Variants in MINDY2 observed in about 807,000 individuals in gnomAD.
The protein encoded by MINDY2 is ubiquitin carboxyl-terminal hydrolase MINDY-2.
Under a neutral mutation model 68.2 loss-of-function variants are expected in MINDY2, and 52 were observed. The observed-to-expected ratio is 0.76, with a 90% CI of 0.61 to 0.96. The LOEUF is 0.96. Among genes scored for constraint, MINDY2 ranks in the 40% least tolerant of loss-of-function variants. The pLI is 0.00. For missense variants in MINDY2, 881 were observed against 773.4 expected, an observed-to-expected ratio of 1.14 and a Z score of -1.65; for synonymous variants, 372 against 303.0, an observed-to-expected ratio of 1.23 and a Z score of -2.36.
At chr15:58,798,699 G>A (rs781679672) in intron 2 of MINDY2, among the ~76,000 whole-genome samples, 15 of 151,700 alleles carry the variant, frequency 9.9e-5, no homozygotes, top group Non-Finnish European at 1.9e-4. Context: ...CAGGTGATCC[G>A]CCCGCCTTGG....
In MINDY2 at chr15:58,791,620, ATATGTG is replaced by A. The variant is rs1424937189; in HGVS notation, c.898+3659_898+3664del. On this transcript the variant is annotated intron_variant, in intron 2 of 8. Coordinates refer to ENST00000559228, the MANE Select transcript of MINDY2 (RefSeq NM_001040450.3). ...CAACAGGGCAAGACCCTGTCTCAAA[ATATGTG>A]TGTGTGTGTGTGTGTGTGTGTGTGT... 2.7e-4 allele frequency among the ~76,000 whole-genome samples: 22 copies of A among 80,846 alleles called. No homozygotes were observed. The East Asian group carries it at 3.7e-3, about 14-fold the overall frequency. 53.0% of individuals were successfully genotyped at this position (80,846 alleles called of 152,430 possible).
intron 1 of MINDY2, among the ~76,000 whole-genome samples, chr15:58,784,615 C>G (rs1471661241): frequency 7.1e-6 from 1 of 140,840 alleles, no homozygotes; most frequent in Admixed American, 7.0e-5. Flanking sequence ...TTCTTTCTTT[C>G]TTTCCTTTTT....
intron 1 of MINDY2, among the ~76,000 whole-genome samples, chr15:58,783,603 C>G (rs1901297400): frequency 1.3e-5 from 2 of 152,154 alleles, no homozygotes; most frequent in African/African-American, 4.8e-5. Context: ...TTGCTTGAGT[C>G]TATTCCCAAA....
Position 58,771,363 on chromosome 15 carries a change from G to T in MINDY2, c.-33G>T. 6.3e-7 allele frequency: 1 copy of T among 1,580,140 alleles called. No homozygotes were observed. Among genetic ancestry groups the T allele is most frequent in the South Asian group, 1.1e-5 (1 of 87,924 alleles). ...GCGCTGGCTGCGGAGAAGTGGCCGC[G>T]GTCTCCATAGAGCTGGGGGCGGGCG... On this transcript the variant is annotated 5_prime_UTR_variant, in exon 1 of 9. Transcript: ENST00000559228.
At chr15:58,783,207 G>A (rs1383623348) in intron 1 of MINDY2, among the ~76,000 whole-genome samples, 5 of 151,910 alleles carry the variant, frequency 3.3e-5, no homozygotes, top group African/African-American at 4.8e-5. Context: ...AGGAGTGACC[G>A]ACTCTGCCCG....
rs534355610 is a variant in MINDY2, at chr15:58,811,066, A to G, written c.1122+678A>G. ...GTGGTTCAAGGGATCCATCATTAGT[A>G]TAAACTGCAGGTGTGGCCCAAGGGG... On this transcript the variant is annotated intron_variant, in intron 4 of 8. Coordinates refer to ENST00000559228, the MANE Select transcript of MINDY2 (RefSeq NM_001040450.3). 2.6e-5 allele frequency among the ~76,000 whole-genome samples: 4 copies of G among 152,372 alleles called. No individual in the cohort carries two copies. In the East Asian group the frequency reaches 5.8e-4, roughly 22 times the overall value.
intron 6 of MINDY2, among the ~76,000 whole-genome samples, chr15:58,834,751 C>T (rs145953146): frequency 6.6e-6 from 1 of 152,270 alleles, no homozygotes; most frequent in African/African-American, 2.4e-5. Flanking sequence ...ATTACATCTT[C>T]ATATTTTCTT....
At chr15:58,802,998 G>A (rs193020451) in intron 3 of MINDY2, among the ~76,000 whole-genome samples, 2 of 152,198 alleles carry the variant, frequency 1.3e-5, no homozygotes, top group African/African-American at 2.4e-5. Flanking sequence ...GTGGAAGGAA[G>A]TATTAGCCAG....
intron 6 of MINDY2, among the ~76,000 whole-genome samples, chr15:58,840,249 T>C (rs2032210327): frequency 6.6e-6 from 1 of 152,232 alleles, no homozygotes; most frequent in Admixed American, 6.5e-5. Context: ...CGAACGAATA[T>C]AGTACAAACA....
chr15:58,826,601 CATT>C (rs1300976073), intron 5 of MINDY2, among the ~76,000 whole-genome samples: 1 of 152,170 alleles, frequency 6.6e-6, no homozygotes, highest in Non-Finnish European at 1.5e-5. Flanking sequence ...AATGCTTCAT[CATT>C]TGTCTCCTAA....
rs138589240 is a variant in MINDY2, at chr15:58,811,385, C to T, written c.1122+997C>T. On this transcript the variant is annotated intron_variant, in intron 4 of 8. Transcript: ENST00000559228. ...TATCAGGGTCCTGGCAGGAAGTAGA[C>T]GACACACTGAAGGATAACTGTCAAA... 1.2e-3 allele frequency among the ~76,000 whole-genome samples: 177 copies of T among 152,198 alleles called. 1 individual carries two copies. Among genetic ancestry groups the T allele is most frequent in the African/African-American group, 3.9e-3 (161 of 41,518 alleles).
chr15:58,833,709 C>T (rs1333505980), intron 6 of MINDY2, among the ~76,000 whole-genome samples: 2 of 152,174 alleles, frequency 1.3e-5, no homozygotes, highest in South Asian at 4.1e-4. Context: ...GTCCCATCTT[C>T]AGCCCTAAGG....
At chr15:58,798,873 C>G (rs1399037832) in intron 2 of MINDY2, among the ~76,000 whole-genome samples, 1 of 152,058 alleles carries the variant, frequency 6.6e-6, no homozygotes, top group African/African-American at 2.4e-5. Flanking sequence ...TGGGATTTTT[C>G]TTGGAAAGAG....
intron 2 of MINDY2, among the ~76,000 whole-genome samples, chr15:58,793,105 G>A (rs1902049608): frequency 6.6e-6 from 1 of 152,166 alleles, no homozygotes; most frequent in Non-Finnish European, 1.5e-5. Context: ...TGAAATGGGG[G>A]TTGACTGCTA....
rs1246175180 is a variant in MINDY2 at position 58,860,567 on chromosome 15, CTT to C, written c.*5958_*5959del. On this transcript the variant is annotated 3_prime_UTR_variant, in exon 9 of 9. Transcript: ENST00000559228. The stretch of plus-strand genomic sequence containing the variant: ...CCAGCCTGGGCGACTGAGCGAGACT[CTT>C]ATATCTCAAAAAAAAAAAAAAAAAA... The C allele has an allele frequency of 1.6e-5, 2 of 128,066 alleles. No homozygotes were observed. Among genetic ancestry groups the C allele is most frequent in the East Asian group, 2.3e-4 (1 of 4,258 alleles). The allele number at this position is 128,066 out of a possible 1,614,324, so 7.9% of individuals were successfully genotyped here.
chr15:58,830,811 G>C (rs1170158652), intron 5 of MINDY2, among the ~76,000 whole-genome samples: 1 of 152,092 alleles, frequency 6.6e-6, no homozygotes, highest in Non-Finnish European at 1.5e-5. Flanking sequence ...GCTGAAGCAA[G>C]AAGGCAGAAT....
intron 6 of MINDY2, among the ~76,000 whole-genome samples, chr15:58,845,585 T>C (rs1482279160): frequency 6.6e-6 from 1 of 152,228 alleles, no homozygotes; most frequent in African/African-American, 2.4e-5. Flanking sequence ...GGAACCCTTA[T>C]ACACTGTTGA....
chr15:58,790,264 T>C (rs28617688), intron 2 of MINDY2, among the ~76,000 whole-genome samples: 32,162 of 152,012 alleles, frequency 0.21, 4,006 homozygotes, highest in East Asian at 0.52. Context: ...AGTTTTTTTT[T>C]CCCCATGGGA....
chr15:58,801,089 T>G (rs928364557), intron 2 of MINDY2, among the ~76,000 whole-genome samples: 8 of 152,070 alleles, frequency 5.3e-5, no homozygotes, highest in African/African-American at 1.4e-4. Context: ...TTCTCCTGCC[T>G]CAGCCTCCTG....
Sources: allele counts gnomAD v4.1 joint callset (sites outside exome capture counted in the v4.1 genomes callset), GRCh38; gene constraint gnomAD v4.1.1; transcripts MANE v1.5; gene names NCBI Gene and HGNC (gene_info 2026-07-23, HGNC 2026-07-21).